NEK5: variants seen among roughly 807,000 people sequenced by gnomAD.
The protein encoded by NEK5 is NIMA related kinase 5.
A neutral mutation model predicts 109.2 loss-of-function variants in NEK5; 88 were observed. That is an observed-to-expected ratio of 0.81 (90% CI 0.68 to 0.96). The LOEUF is 0.96. Among genes scored for constraint, NEK5 ranks in the 40% least tolerant of loss-of-function variants. The pLI is 0.00. For synonymous variants in NEK5, 283 were observed against 299.9 expected (o/e 0.94, Z 0.58); for missense variants, 834 against 920.7 (o/e 0.91, Z 1.22).
chr13:52,085,042 G>C (rs1955111326), intron 16 of NEK5, among the ~76,000 whole-genome samples: 3 of 152,152 alleles, frequency 2.0e-5, no homozygotes. Flanking sequence ...GTATGAACGT[G>C]ATATGGTTTG....
intron 14 of NEK5, among the ~76,000 whole-genome samples, chr13:52,088,518 G>T (rs1955204659): frequency 6.6e-6 from 1 of 151,862 alleles, no homozygotes. Context: ...CTCCCAAAGT[G>T]CTGGGATTAC....
At chr13:52,100,459 G>A (rs897783188) in intron 11 of NEK5, among the ~76,000 whole-genome samples, 8 of 152,154 alleles carry the variant, frequency 5.3e-5, no homozygotes, top group Admixed American at 5.2e-4. Context: ...ACATGGTTTG[G>A]CCATGTTGGC....
At chr13:52,105,436 C>T (rs1302347222) in intron 8 of NEK5, among the ~76,000 whole-genome samples, 1 of 151,664 alleles carries the variant, frequency 6.6e-6, no homozygotes, top group Non-Finnish European at 1.5e-5. Context: ...TCAGGCTGGT[C>T]TCAAACTCTT....
intron 21 of NEK5, among the ~76,000 whole-genome samples, chr13:52,063,605 C>T (rs1593926284): frequency 2.0e-5 from 3 of 150,670 alleles, no homozygotes; most frequent in African/African-American, 4.9e-5. Context: ...TCTGCCCAGC[C>T]GCCATCCCAT....
At chr13:52,112,527 T>A (rs1232568431) in intron 4 of NEK5, among the ~76,000 whole-genome samples, 162 bp from the exon 5 acceptor site, 1 of 152,220 alleles carries the variant, frequency 6.6e-6, no homozygotes, top group Non-Finnish European at 1.5e-5. Context: ...CCGTGCCTCA[T>A]TACCTCATCT....
At chr13:52,075,028 G>A (rs1406526204) in intron 19 of NEK5, among the ~76,000 whole-genome samples, 1 of 152,190 alleles carries the variant, frequency 6.6e-6, no homozygotes, top group Admixed American at 6.5e-5. Flanking sequence ...TGGCGGAAAT[G>A]TAATGTAAAT....
At chr13:52,094,906 T>G (rs1372363682) in intron 12 of NEK5, among the ~76,000 whole-genome samples, 4 of 152,246 alleles carry the variant, frequency 2.6e-5, no homozygotes, top group Non-Finnish European at 5.9e-5. Context: ...ATGTTTATTT[T>G]TAAAATATTT....
chr13:52,089,286 A>G lies in NEK5; in HGVS notation c.1236T>C (p.Phe412=). Reference sequence around the variant, plus strand: ...CTTTCAACTTATATTGTTGAGCTTCAAATTTTCTCTGAAGGTACTCAGCAG... The same window carrying G: ...CTTTCAACTTATATTGTTGAGCTTCGAATTTTCTCTGAAGGTACTCAGCAG... ...QWPAEYLQRK[F]EAQQYKLKVE... The change falls in exon 14 of 24, where the codon TTT becomes TTC. Residue 412 remains phenylalanine (F), a synonymous_variant. Transcript: ENST00000684899. 1 of 1,609,574 alleles carries G rather than the reference A, an allele frequency of 6.2e-7. No homozygotes were observed. Among genetic ancestry groups the G allele is most frequent in the Non-Finnish European group, 8.5e-7 (1 of 1,176,222 alleles).
At position 52,104,511 on chromosome 13, in the gene NEK5, G is replaced by T; in HGVS notation, c.596C>A (p.Thr199Lys). The change falls in exon 9 of 24, where the codon ACA (threonine) becomes AAA (lysine). Residue 199 changes from threonine to lysine, a missense_variant. Thr to Lys is a moderately conservative substitution (Grantham distance 78). Around this residue, in one of 2 missense-constraint regions of NEK5, gnomAD observed 777 missense variants for 824.7 expected, o/e 0.94. Transcript: ENST00000684899. The stretch of plus-strand genomic sequence containing the variant: ...GAGCATACTTACAGGATGTTTAAGT[G>T]TGCAGAGCTCATATAAGACACAGCC... ...SLGCVLYELC[T>K]LKHPFEGNNL... The T allele has an allele frequency of 6.2e-7, 1 of 1,602,738 alleles. No individual in the cohort carries two copies. Among genetic ancestry groups the T allele is most frequent in the Non-Finnish European group, 8.5e-7 (1 of 1,169,738 alleles).
chr13:52,074,809 C>T (rs1321570863), intron 19 of NEK5, among the ~76,000 whole-genome samples: 1 of 151,974 alleles, frequency 6.6e-6, no homozygotes, highest in South Asian at 2.1e-4. Context: ...TTAAAGTGGA[C>T]AAAAGATAGA....
intron 17 of NEK5, 103 bp downstream of exon 17, chr13:52,083,157 A>G (rs926783103): frequency 3.9e-6 from 3 of 764,308 alleles, no homozygotes; most frequent in Non-Finnish European, 6.7e-6. Flanking sequence ...AGAAAAAAAA[A>G]AAAAGTTCCC....
At chr13:52,087,238 C>A (rs1356576843) in intron 15 of NEK5, 100 bp downstream of exon 15, 10 of 642,912 alleles carry the variant, frequency 1.6e-5, no homozygotes, top group African/African-American at 7.2e-5. Flanking sequence ...TTGACATATT[C>A]AGGGGCACTG....
At position 52,079,425 on chromosome 13, in the gene NEK5, G is replaced by C. The variant is rs532330358; in HGVS notation, c.1573-3282C>G. 8.0e-5 allele frequency among the ~76,000 whole-genome samples: 12 copies of C among 150,122 alleles called. No individual in the cohort carries two copies. In the South Asian group the frequency reaches 1.9e-3, roughly 24 times the overall value. The stretch of plus-strand genomic sequence containing the variant: ...CCTGATTCTCCTGCCTCAGCCTGCC[G>C]AGTGCCTGCGATTGCAGGGGCGCAC... On this transcript the variant is annotated intron_variant, in intron 17 of 23. Transcript: ENST00000684899.
Position 52,117,009 on chromosome 13 carries a change from C to T in NEK5, c.214+2310G>A, listed in dbSNP as rs180800019. ...TCTCAGCTCACTGCAACCTCTGCCT[C>T]CCAGGTTCAAGCGATTCTCCTGCCT... On this transcript the variant is annotated intron_variant, in intron 4 of 23. Coordinates refer to ENST00000684899, the MANE Select transcript of NEK5 (RefSeq NM_001365552.1). Among the ~76,000 whole-genome samples the T allele has an allele frequency of 6.1e-3, 932 of 152,108 alleles. 3 individuals are homozygous for T. The highest frequency in any genetic ancestry group is 9.6e-3 in the Non-Finnish European group (656 of 68,006).
chr13:52,063,284 G>A (rs1028867962), intron 21 of NEK5, among the ~76,000 whole-genome samples: 10 of 152,316 alleles, frequency 6.6e-5, no homozygotes, highest in Middle Eastern at 3.4e-3. Flanking sequence ...TGTGTTGGCC[G>A]GGCTGGTCTC....
intron 12 of NEK5, among the ~76,000 whole-genome samples, chr13:52,099,188 CACTT>C (rs1384980154): frequency 6.6e-6 from 1 of 151,812 alleles, no homozygotes; most frequent in Non-Finnish European, 1.5e-5. Context: ...TAAATATATA[CACTT>C]ACTATGTACC....
intron 3 of NEK5, among the ~76,000 whole-genome samples, chr13:52,120,278 T>A (rs988449526): frequency 3.9e-5 from 6 of 152,142 alleles, no homozygotes; most frequent in African/African-American, 1.4e-4. Flanking sequence ...ATTTAAATTG[T>A]ATAGTCAGTA....
chr13:52,065,672 C>A, intron 20 of NEK5, 63 bp from the exon 21 acceptor site: 1 of 1,226,794 alleles, frequency 8.2e-7, no homozygotes, highest in Middle Eastern at 2.6e-4. Flanking sequence ...TTGTCCCAAA[C>A]ACTTCTTAGG....
intron 4 of NEK5, among the ~76,000 whole-genome samples, chr13:52,115,689 C>T (rs1955844383): frequency 6.6e-6 from 1 of 150,912 alleles, no homozygotes; most frequent in Admixed American, 6.6e-5. Flanking sequence ...CCCCATTAGC[C>T]ACTGTTAATT....
Sources: gnomAD v4.1 joint callset for allele counts (sites outside exome capture counted in the v4.1 genomes callset) on GRCh38, gnomAD v4.1.1 for gene constraint, gnomAD v4.1.1 regional missense constraint, MANE v1.5 for transcripts, NCBI Gene and HGNC (gene_info 2026-07-23, HGNC 2026-07-21) for gene names.